The following UNC80 variants were observed in gnomAD, a reference collection of about 807,000 sequenced individuals.
UNC80 encodes protein unc-80 homolog.
UNC80 carries 164 observed loss-of-function variants against 384.6 expected under a neutral mutation model. The observed-to-expected ratio is 0.43, with a 90% CI of 0.38 to 0.49. The LOEUF (loss-of-function observed/expected upper bound fraction) is 0.49, where lower values mean the gene tolerates loss of function less well. Ranked by LOEUF, UNC80 falls within the 20% of genes least tolerant of loss-of-function variation. The probability of loss-of-function intolerance (pLI) is 0.00; values close to 1 mark genes in which losing one functional copy is unlikely to be tolerated. For missense variants in UNC80, 3,330 were observed against 4,143.0 expected (o/e 0.80, Z 5.39); for synonymous variants, 1,486 against 1,527.8 (o/e 0.97, Z 0.64).
intron 47 of UNC80, among the ~76,000 whole-genome samples, chr2:209,953,221 C>A (rs988166529): frequency 1.4e-4 from 22 of 151,828 alleles, no homozygotes; most frequent in African/African-American, 5.1e-4. Context: ...AGTTTGAGAC[C>A]AGCCTGGCCA....
At chr2:209,992,055 A>ACC in intron 61 of UNC80, 111 bp from the exon 62 acceptor site, 23 of 760,188 alleles carry the variant, frequency 3.0e-5, no homozygotes, top group Non-Finnish European at 3.9e-5. Context: ...CTTCAAAGAT[A>ACC]ATGGTATCTT....
intron 56 of UNC80, among the ~76,000 whole-genome samples, chr2:209,973,856 G>A (rs1177231725): frequency 1.3e-5 from 2 of 152,118 alleles, no homozygotes; most frequent in African/African-American, 4.8e-5. Flanking sequence ...CCCTTAACAT[G>A]TCTTTAATCT....
At chr2:209,972,974 G>A (rs1284780588) in intron 55 of UNC80, 90 bp from the exon 56 acceptor site, 7 of 1,249,286 alleles carry the variant, frequency 5.6e-6, no homozygotes, top group African/African-American at 1.5e-5. Context: ...TTTGGACTTG[G>A]AAAGAGCTGA....
In UNC80 at chr2:209,976,359, T is replaced by C; in HGVS notation, c.8772+56T>C. 6.5e-7 allele frequency: 1 copy of C among 1,548,394 alleles called. No homozygotes were observed. Among genetic ancestry groups the C allele is most frequent in the Non-Finnish European group, 8.7e-7 (1 of 1,144,430 alleles). ...GCAAGCTCAAATGAATGTGTGGCTC[T>C]CTACTGAGGCAGGAATATGGCAGGA... On this transcript the variant is annotated intron_variant, in intron 57 of 64. Transcript: ENST00000673920. This position sits in a 1 kb window ranked among gnomAD's most constrained non-coding sequence, Gnocchi z 4.3.
rs2092313783 is a variant in UNC80 at position 209,954,186 on chromosome 2, C to T, written c.7373C>T (p.Pro2458Leu). 2 of 1,551,092 alleles carry T rather than the reference C, an allele frequency of 1.3e-6. No homozygotes were observed. The highest frequency in any genetic ancestry group is 8.7e-7 in the Non-Finnish European group (1 of 1,146,944). The change falls in exon 48 of 65, where the codon CCT (proline) becomes CTT (leucine). Residue 2458 changes from proline (P) to leucine (L), a missense_variant. Physicochemically the swap from Pro to Leu is moderately conservative, Grantham distance 98 (BLOSUM62 -3). Transcript: ENST00000673920. ...CAGACATCACAGGTGGAGACAGTAC[C>T]TGCTGCCCGAGAGGAGATTGCGGCC... is the stretch of plus-strand genomic sequence containing the variant. Reference protein sequence around the residue: ...KRQTSQVETVPAAREEIAATA... With the variant: ...KRQTSQVETVLAAREEIAATA...
At chr2:209,855,412 T>G (rs1179666970) in intron 22 of UNC80, among the ~76,000 whole-genome samples, 1 of 151,990 alleles carries the variant, frequency 6.6e-6, no homozygotes, top group Non-Finnish European at 1.5e-5. Context: ...TGGCACAAGT[T>G]TACCTATGTA....
At chr2:209,794,756 T>C (rs2078048865) in intron 7 of UNC80, 1 of 453,776 alleles carries the variant, frequency 2.2e-6, no homozygotes, top group African/African-American at 2.0e-5. Context: ...TTTCCACTTT[T>C]GTCTCTTCTT....
intron 61 of UNC80, among the ~76,000 whole-genome samples, chr2:209,986,973 G>C (rs1212900998): frequency 6.6e-6 from 1 of 152,110 alleles, no homozygotes; most frequent in Admixed American, 6.5e-5. Context: ...AAATCCTGAA[G>C]TAGTAAGGCA....
At chr2:209,838,666 A>G (rs1207238132) in intron 18 of UNC80, among the ~76,000 whole-genome samples, 1 of 152,172 alleles carries the variant, frequency 6.6e-6, no homozygotes, top group Non-Finnish European at 1.5e-5. Context: ...ATCTTTAATA[A>G]AAAGTTAAAT....
Position 209,917,848 on chromosome 2 carries a change from C to T in UNC80, c.5101C>T (p.His1701Tyr). 1 of 1,552,032 alleles carries T rather than the reference C, an allele frequency of 6.4e-7. No individual in the cohort carries two copies. Among genetic ancestry groups the T allele is most frequent in the Non-Finnish European group, 8.7e-7 (1 of 1,147,062 alleles). ...CGACATGCTGATGTCAGAGTTCCACCACCCGGAGACTGTGCAGAGGCTGAA... is the reference window on the plus strand; with the variant it reads ...CGACATGCTGATGTCAGAGTTCCACTACCCGGAGACTGTGCAGAGGCTGAA... ...VSDMLMSEFH[H>Y]PETVQRLNAV... Residue 1701 changes from histidine (H) to tyrosine (Y), a missense_variant, in exon 32 of 65, where the codon CAC becomes TAC. Physicochemically the swap from His to Tyr is moderately conservative, Grantham distance 83. Coordinates refer to ENST00000673920, the MANE Select transcript of UNC80 (RefSeq NM_001371986.1).
At chr2:209,825,596 T>C (rs1032854136) in intron 13 of UNC80, among the ~76,000 whole-genome samples, 1 of 152,182 alleles carries the variant, frequency 6.6e-6, no homozygotes, top group African/African-American at 2.4e-5. Context: ...TAGTCTGCAC[T>C]GTCTCTCTTT....
chr2:209,945,660 C>G (rs1446411312), intron 46 of UNC80, among the ~76,000 whole-genome samples, 187 bp from the exon 47 acceptor site: 1 of 151,964 alleles, frequency 6.6e-6, no homozygotes, highest in African/African-American at 2.4e-5. Flanking sequence ...TCTGATTGTT[C>G]AAAACTAGAA....
At chr2:209,931,090 G>A in intron 38 of UNC80, 36 bp downstream of exon 38, 1 of 1,433,178 alleles carries the variant, frequency 7.0e-7, no homozygotes. Context: ...TTACGAAGCA[G>A]CACCATGATG....
intron 22 of UNC80, among the ~76,000 whole-genome samples, chr2:209,867,430 A>G (rs902175464): frequency 3.2e-4 from 48 of 152,084 alleles, no homozygotes; most frequent in African/African-American, 1.1e-3. Flanking sequence ...GGGGCATGGA[A>G]TTAGCCCATT....
Position 209,839,521 on chromosome 2 carries a change from A to G in UNC80, c.3250+91A>G. The G allele has an allele frequency of 4.5e-6, 6 of 1,330,180 alleles. No individual in the cohort carries two copies. The highest frequency in any genetic ancestry group is 2.9e-5 in the African/African-American group (2 of 68,544). The allele number at this position is 1,330,180 out of a possible 1,614,324, so 82.4% of individuals were successfully genotyped here. A position where few individuals can be genotyped will look rare whatever the true frequency, so the allele number is the denominator to read the frequency against. On this transcript the variant is annotated intron_variant, in intron 19 of 64. Transcript: ENST00000673920. The surrounding 1 kb of genome is among the most constrained non-coding windows in gnomAD (Gnocchi z 4.1). Reference sequence around the variant, plus strand: ...GTGATGCATAGTAGGGCCGAAAAAGAAGACCTTCAAGTCATAAGACCTAGA... The same window carrying G: ...GTGATGCATAGTAGGGCCGAAAAAGGAGACCTTCAAGTCATAAGACCTAGA...
chr2:209,873,167 C>G (rs2084456022), intron 23 of UNC80, among the ~76,000 whole-genome samples, 197 bp downstream of exon 23: 1 of 152,190 alleles, frequency 6.6e-6, no homozygotes, highest in South Asian at 2.1e-4. Flanking sequence ...ATTACTATCT[C>G]TGTTTTACAG....
intron 9 of UNC80, 57 bp downstream of exon 9, chr2:209,815,448 A>ATGATGTTT: frequency 6.6e-7 from 1 of 1,520,768 alleles, no homozygotes. Flanking sequence ...TGTCAGTGGG[A>ATGATGTTT]CATGAGATGT....
intron 56 of UNC80, 35 bp downstream of exon 56, chr2:209,973,305 CA>C: frequency 6.6e-7 from 1 of 1,517,172 alleles, no homozygotes; most frequent in Non-Finnish European, 8.9e-7. Context: ...TCTGTTTGTG[CA>C]TGTGTATGTA....
At chr2:209,881,377 G>T (rs568410267) in intron 25 of UNC80, among the ~76,000 whole-genome samples, 1 of 152,212 alleles carries the variant, frequency 6.6e-6, no homozygotes, top group South Asian at 2.1e-4. Flanking sequence ...GGAGCCTTTA[G>T]CTTCCTTTAC....
Sources: gnomAD v4.1 joint callset for allele counts (sites outside exome capture counted in the v4.1 genomes callset) on GRCh38, gnomAD v4.1.1 for gene constraint, Gnocchi (gnomAD v3.1) non-coding constraint, MANE v1.5 for transcripts, NCBI Gene and HGNC (gene_info 2026-07-23, HGNC 2026-07-21) for gene names.